TRIM5: variants seen among roughly 807,000 people sequenced by gnomAD.
The protein encoded by TRIM5 is tripartite motif containing 5.
TRIM5 carries 31 observed loss-of-function variants against 35.6 expected under a neutral mutation model. The ratio of observed to expected loss-of-function variants is 0.87; its 90% CI spans 0.65 to 1.18. The LOEUF is 1.18. Among genes scored for constraint, TRIM5 ranks in the 50% most tolerant of loss-of-function variants. The pLI is 0.00. For synonymous variants in TRIM5, 243 were observed against 215.6 expected, an observed-to-expected ratio of 1.13 and a Z score of -1.11; for missense variants, 609 against 591.6, an observed-to-expected ratio of 1.03 and a Z score of -0.31.
chr11:5,597,068 A>ATTTTAT, the TRIM5 span, among the ~76,000 whole-genome samples: 75,184 of 151,312 alleles, frequency 0.5, 19,059 homozygotes, highest in Middle Eastern at 0.69. Flanking sequence ...GGTTAGAGAC[A>ATTTTAT]TTTTAATCAG....
chr11:5,618,292 C>T, the TRIM5 span, among the ~76,000 whole-genome samples: 1 of 152,010 alleles, frequency 6.6e-6, no homozygotes, highest in Non-Finnish European at 1.5e-5. Context: ...ATCGCTTGAA[C>T]CCAGGAGGCA....
At chr11:5,603,100 G>T in the TRIM5 span, 106 of 1,367,532 alleles carry the variant, frequency 7.8e-5, no homozygotes, top group Non-Finnish European at 9.7e-5. Context: ...TGTATGAGCC[G>T]GGATAAAGAA....
At chr11:5,645,886 T>G in the TRIM5 span, 1 of 155,064 alleles carries the variant, frequency 6.4e-6, no homozygotes, top group Non-Finnish European at 1.2e-5. Flanking sequence ...AAAAAATATA[T>G]ATATATATAT....
At chr11:5,650,573 T>C in the TRIM5 span, among the ~76,000 whole-genome samples, 1 of 152,216 alleles carries the variant, frequency 6.6e-6, no homozygotes, top group Non-Finnish European at 1.5e-5. Flanking sequence ...GAGTAGATAG[T>C]GCAGCAGAAG....
intron 1 of TRIM5, 80 bp downstream of exon 1, chr11:5,684,788 A>C (rs1852887170): frequency 1.3e-5 from 2 of 152,306 alleles, no homozygotes; most frequent in South Asian, 4.1e-4. Context: ...TGTTCCCCTC[A>C]GTCAGCTCTG....
At chr11:5,650,910 T>C in the TRIM5 span, among the ~76,000 whole-genome samples, 1 of 152,204 alleles carries the variant, frequency 6.6e-6, no homozygotes, top group Non-Finnish European at 1.5e-5. Context: ...CTTCCTTATC[T>C]GCCACAGACA....
the TRIM5 span, among the ~76,000 whole-genome samples, chr11:5,650,583 G>C: frequency 6.6e-6 from 1 of 152,222 alleles, no homozygotes; most frequent in Admixed American, 6.5e-5. Context: ...TGCAGCAGAA[G>C]TGAAGACCAT....
the TRIM5 span, among the ~76,000 whole-genome samples, chr11:5,617,408 T>G: frequency 6.9e-6 from 1 of 144,348 alleles, no homozygotes; most frequent in African/African-American, 2.5e-5. Flanking sequence ...GGTACTTGTA[T>G]GAAGACAGCA....
chr11:5,643,402 T>C, the TRIM5 span: 2 of 1,614,158 alleles, frequency 1.2e-6, no homozygotes, highest in Non-Finnish European at 1.7e-6. Flanking sequence ...CGTCAAAATC[T>C]TTACACCAAA....
chr11:5,634,612 C>T, the TRIM5 span: 1 of 1,604,742 alleles, frequency 6.2e-7, no homozygotes, highest in Non-Finnish European at 8.5e-7. Flanking sequence ...CTACAACTCT[C>T]TCTTGTCCAT....
chr11:5,682,406 A>C (rs1188424030), intron 1 of TRIM5, among the ~76,000 whole-genome samples: 1 of 152,154 alleles, frequency 6.6e-6, no homozygotes, highest in African/African-American at 2.4e-5. Context: ...GATTTTTAAG[A>C]AAATCCAGTA....
At chr11:5,646,032 C>CATTTAT in the TRIM5 span, among the ~76,000 whole-genome samples, 1 of 114,280 alleles carries the variant, frequency 8.8e-6, no homozygotes, top group Non-Finnish European at 1.7e-5. Flanking sequence ...ATGTATAGTA[C>CATTTAT]ACATAAATAT....
intron 4 of TRIM5, among the ~76,000 whole-genome samples, chr11:5,675,147 G>A (rs1403517157): frequency 6.6e-6 from 1 of 151,898 alleles, no homozygotes; most frequent in African/African-American, 2.4e-5. Flanking sequence ...TCCTGCCTCA[G>A]CCTCCCAAGT....
the TRIM5 span, chr11:5,634,027 G>A: frequency 9.1e-6 from 9 of 987,576 alleles, no homozygotes; most frequent in South Asian, 1.4e-4. Context: ...TCTCTTCTCT[G>A]TCCTGTCCCT....
intron 4 of TRIM5, among the ~76,000 whole-genome samples, chr11:5,674,045 A>C (rs1485445996): frequency 6.6e-6 from 1 of 152,164 alleles, no homozygotes; most frequent in Non-Finnish European, 1.5e-5. Context: ...AGCAGAAACG[A>C]TACAGAAAGG....
chr11:5,667,789 G>A (rs762365379), intron 4 of TRIM5, 78 bp from the exon 5 acceptor site: 96 of 1,500,570 alleles, frequency 6.4e-5, no homozygotes, highest in South Asian at 4.8e-4. Flanking sequence ...CATTTCCCCC[G>A]GTTCCTAATG....
intron 6 of TRIM5, 147 bp from the exon 7 acceptor site, chr11:5,665,829 A>G (rs1851089342): frequency 7.5e-7 from 1 of 1,327,724 alleles, no homozygotes; most frequent in Admixed American, 2.6e-5. Context: ...CCACCTAGCC[A>G]TTTCCCATTA....
At chr11:5,646,931 G>T in the TRIM5 span, among the ~76,000 whole-genome samples, 2 of 152,098 alleles carry the variant, frequency 1.3e-5, no homozygotes, top group Non-Finnish European at 2.9e-5. Context: ...AGAAATAATG[G>T]ATTTTAAAAA....
At chr11:5,606,365 G>A in the TRIM5 span, among the ~76,000 whole-genome samples, 1 of 152,160 alleles carries the variant, frequency 6.6e-6, no homozygotes, top group Admixed American at 6.5e-5. Flanking sequence ...AATTCTAGCA[G>A]CTATTTTCTG....
Sources: allele counts gnomAD v4.1 joint callset (sites outside exome capture counted in the v4.1 genomes callset), GRCh38; gene constraint gnomAD v4.1.1; transcripts MANE v1.5; gene names NCBI Gene and HGNC (gene_info 2026-07-23, HGNC 2026-07-21).